The following CLIP1 variants were observed in gnomAD, a reference collection of about 807,000 sequenced individuals.
The protein encoded by CLIP1 is CAP-Gly domain containing linker protein 1.
A neutral mutation model predicts 161.6 loss-of-function variants in CLIP1; 66 were observed. That is an observed-to-expected ratio of 0.41 (90% CI 0.33 to 0.50). The LOEUF is 0.50. CLIP1 is among the 20% of genes least tolerant of loss of function. CLIP1 has a pLI of 0.27. For missense variants in CLIP1, 1,376 were observed against 1,702.0 expected (o/e 0.81, Z 3.37); for synonymous variants, 598 against 626.2 (o/e 0.96, Z 0.67).
chr12:122,396,766 T>C (rs1955924436), intron 1 of CLIP1: 1 of 150,862 alleles, frequency 6.6e-6, no homozygotes, highest in African/African-American at 2.5e-5. Flanking sequence ...TTTTTGTTGT[T>C]GTTTATTTTT....
intron 12 of CLIP1, 71 bp downstream of exon 12, chr12:122,336,559 TTC>T: frequency 1.3e-6 from 1 of 767,388 alleles, no homozygotes; most frequent in South Asian, 1.6e-5. Context: ...GCTACAATAT[TTC>T]TTACTGGAGG....
In CLIP1 at chr12:122,394,176, G is replaced by A. The variant is rs528295430; in HGVS notation, c.-106-13618C>T. ...CTTAGAAAAAAGTTCCATTGTTTAC[G>A]TACTGCATTACTTAAATAAAAGATG... On this transcript the variant is annotated intron_variant, in intron 1 of 25. Coordinates refer to ENST00000620786, the MANE Select transcript of CLIP1 (RefSeq NM_001247997.2). Among the ~76,000 whole-genome samples the A allele has an allele frequency of 1.6e-4, 25 of 152,072 alleles. No individual in the cohort carries two copies. The South Asian group carries it at 3.5e-3, about 21-fold the overall frequency.
chr12:122,385,239 T>G (rs1268555551), intron 1 of CLIP1, among the ~76,000 whole-genome samples: 1 of 152,074 alleles, frequency 6.6e-6, no homozygotes. Flanking sequence ...CCGATGGTAA[T>G]TTTTAAAGGG....
chr12:122,298,478 T>C (rs1191829830), intron 20 of CLIP1, among the ~76,000 whole-genome samples: 1 of 150,904 alleles, frequency 6.6e-6, no homozygotes, highest in Non-Finnish European at 1.5e-5. Flanking sequence ...GTGGTGGGCG[T>C]CTGTAGTCCC....
rs114330871 is a variant in CLIP1 at position 122,332,331 on chromosome 12, C to T, written c.2867+656G>A. On this transcript the variant is annotated intron_variant, in intron 15 of 25. Coordinates refer to ENST00000620786, the MANE Select transcript of CLIP1 (RefSeq NM_001247997.2). ...AAAAAGCGTATATGTATATATACAT[C>T]TATATACACATCTATATATAAACAC... Among the ~76,000 whole-genome samples the T allele has an allele frequency of 5.4e-3, 811 of 151,108 alleles. 9 individuals carry two copies. The highest frequency in any genetic ancestry group is 0.019 in the African/African-American group (772 of 41,278).
chr12:122,332,965 T>A (rs527578246), intron 15 of CLIP1, 22 bp downstream of exon 15: 1 of 1,605,074 alleles, frequency 6.2e-7, no homozygotes, highest in Non-Finnish European at 8.5e-7. Flanking sequence ...AGGTCAGCAC[T>A]CTTTTCAACA....
At chr12:122,410,435 A>T (rs556590610) in intron 1 of CLIP1, among the ~76,000 whole-genome samples, 1 of 149,434 alleles carries the variant, frequency 6.7e-6, no homozygotes, top group Non-Finnish European at 1.5e-5. Context: ...ACACACATAT[A>T]TATACACACA....
chr12:122,394,709 A>AAC (rs71433320), intron 1 of CLIP1, among the ~76,000 whole-genome samples: 118,943 of 151,230 alleles, frequency 0.79, 47,104 homozygotes, highest in East Asian at 0.85. Flanking sequence ...AACATGGTGG[A>AAC]ACCGCATCTC....
rs543505849 is a variant in CLIP1 at position 122,297,725 on chromosome 12, G to A, written c.3595-9184C>T. Among the ~76,000 whole-genome samples the A allele has an allele frequency of 8.5e-5, 13 of 152,278 alleles. No individual in the cohort carries two copies. The South Asian group carries it at 1.2e-3, about 15-fold the overall frequency. On this transcript the variant is annotated intron_variant, in intron 20 of 25. Coordinates refer to ENST00000620786, the MANE Select transcript of CLIP1 (RefSeq NM_001247997.2). ...AGTGCAGAAGGTAATGGGAAAAAAC[G>A]GAAGAGGAAGCCTCAGTCATTTTTG...
chr12:122,341,689 T>C lies in CLIP1; in HGVS notation c.1515A>G (p.Thr505=). 3.2e-6 allele frequency: 5 copies of C among 1,565,628 alleles called. No individual in the cohort carries two copies. Among genetic ancestry groups the C allele is most frequent in the Non-Finnish European group, 4.3e-6 (5 of 1,154,508 alleles). Residue 505 remains threonine (T), a synonymous_variant, in exon 11 of 26, where the codon ACA becomes ACG. Coordinates refer to ENST00000620786, the MANE Select transcript of CLIP1 (RefSeq NM_001247997.2). ...CCATTATACGTGACTTTTCTGAAAC[T>C]GTAGCCACCTATTAACAGCAGTCCA... The part of the protein sequence containing the change: ...QRELEDTRVA[T]VSEKSRIMEL...
chr12:122,417,583 G>A (rs956947378), intron 1 of CLIP1, among the ~76,000 whole-genome samples: 32 of 139,456 alleles, frequency 2.3e-4, no homozygotes, highest in African/African-American at 6.6e-4. Context: ...CGAGATCTCC[G>A]CTCACTGCAA....
Position 122,276,407 on chromosome 12 carries a change from T to TACACACACACACACACAC in CLIP1, c.3966+1746_3966+1747insGTGTGTGTGTGTGTGTGT, listed in dbSNP as rs1555253521. 37 of 917,856 alleles carry TACACACACACACACACAC rather than the reference T, an allele frequency of 4.0e-5. No individual in the cohort carries two copies. In the Admixed American group the frequency reaches 8.9e-4, roughly 22 times the overall value. The allele number at this position is 917,856 out of a possible 1,614,324, so 56.9% of individuals were successfully genotyped here. A position where few individuals can be genotyped will look rare whatever the true frequency, so the allele number is the denominator to read the frequency against. On this transcript the variant is annotated intron_variant, in intron 24 of 25. Coordinates refer to ENST00000620786, the MANE Select transcript of CLIP1 (RefSeq NM_001247997.2). ...CCACACACACACACACACACACACG[T>TACACACACACACACACAC]GTGCACGCAAATTAGGAAACATGAA...
In CLIP1 at chr12:122,341,340, G is replaced by T. The variant is rs1212798486; in HGVS notation, c.1864C>A (p.Leu622Ile). ...GCAGTCTCCAGTTTGGACTTCCATA[G>T]AGCTATCACATCTGAGTTCTCTTTG... Reference protein sequence around the residue: ...ANKENSDVIALWKSKLETAIA... With the variant: ...ANKENSDVIAIWKSKLETAIA... The change falls in exon 11 of 26, where the codon CTA becomes ATA. Residue 622 changes from leucine to isoleucine, a missense_variant. Around this residue, in one of 6 missense-constraint regions of CLIP1, gnomAD observed 948 missense variants for 1,134.8 expected, o/e 0.84. Transcript: ENST00000620786. The T allele has an allele frequency of 6.2e-7, 1 of 1,614,112 alleles. No homozygotes were observed.
At chr12:122,329,202 C>T (rs1019453923) in intron 15 of CLIP1, among the ~76,000 whole-genome samples, 3 of 152,128 alleles carry the variant, frequency 2.0e-5, no homozygotes, top group African/African-American at 7.2e-5. Context: ...TGGCGCATGC[C>T]TACAATCCCA....
At chr12:122,339,262 A>G (rs1029982615) in intron 11 of CLIP1, among the ~76,000 whole-genome samples, 3 of 152,188 alleles carry the variant, frequency 2.0e-5, no homozygotes, top group Non-Finnish European at 2.9e-5. Flanking sequence ...AAAAACTCCA[A>G]TGAGATTTCT....
intron 1 of CLIP1, among the ~76,000 whole-genome samples, chr12:122,422,238 C>G (rs1180891712): frequency 6.6e-6 from 1 of 152,054 alleles, no homozygotes; most frequent in East Asian, 1.9e-4. Context: ...CAAGCTCCAT[C>G]TTGAGGCGGG....
intron 1 of CLIP1, among the ~76,000 whole-genome samples, chr12:122,386,662 TG>T (rs1022676870): frequency 2.6e-5 from 4 of 152,148 alleles, no homozygotes; most frequent in African/African-American, 9.7e-5. Flanking sequence ...TCTCTCAATT[TG>T]TGTGATTCAA....
In CLIP1 at chr12:122,355,431, G is replaced by C; in HGVS notation, c.1006-119C>G. 2 of 833,388 alleles carry C rather than the reference G, an allele frequency of 2.4e-6. No individual in the cohort carries two copies. Among genetic ancestry groups the C allele is most frequent in the Non-Finnish European group, 1.9e-6 (1 of 524,186 alleles). The allele number at this position is 833,388 out of a possible 1,614,324, so 51.6% of individuals were successfully genotyped here. A position where few individuals can be genotyped will look rare whatever the true frequency, so the allele number is the denominator to read the frequency against. ...GCAAGGGCGCTGCTCCAGCTGGCAG[G>C]CTGGCCAGGATTAGGAAAGGCTTCC... On this transcript the variant is annotated intron_variant, in intron 5 of 25. Transcript: ENST00000620786. This position sits in a 1 kb window ranked among gnomAD's most constrained non-coding sequence, Gnocchi z 4.1.
chr12:122,326,501 G>A (rs868774014), intron 17 of CLIP1, among the ~76,000 whole-genome samples: 3 of 152,130 alleles, frequency 2.0e-5, no homozygotes, highest in Admixed American at 6.6e-5. Context: ...GCAACATAGC[G>A]AGACTCTGTC....
Sources: allele counts gnomAD v4.1 joint callset (sites outside exome capture counted in the v4.1 genomes callset), GRCh38; gene constraint gnomAD v4.1.1; regional missense constraint gnomAD v4.1.1; non-coding constraint Gnocchi (gnomAD v3.1); transcripts MANE v1.5; gene names NCBI Gene and HGNC (gene_info 2026-07-23, HGNC 2026-07-21).